DEPDC5: variants seen among roughly 807,000 people sequenced by gnomAD.
DEPDC5 encodes the protein GATOR1 complex protein DEPDC5.
A neutral mutation model predicts 217.3 loss-of-function variants in DEPDC5; 73 were observed. That is an observed-to-expected ratio of 0.34 (90% CI 0.28 to 0.41). The LOEUF is 0.41. Among genes scored for constraint, DEPDC5 ranks in the 10% least tolerant of loss-of-function variants. The probability of loss-of-function intolerance (pLI) is 1.00; values close to 1 mark genes in which losing one functional copy is unlikely to be tolerated. For missense variants in DEPDC5, 1,675 were observed against 2,070.1 expected (o/e 0.81, Z 3.70); for synonymous variants, 733 against 756.7 (o/e 0.97, Z 0.51).
intron 41 of DEPDC5, among the ~76,000 whole-genome samples, chr22:31,902,128 G>T (rs1334325781): frequency 6.6e-6 from 1 of 152,068 alleles, no homozygotes; most frequent in Non-Finnish European, 1.5e-5. Context: ...ATTAAAAAAT[G>T]TGTCAAGAGC....
Position 31,815,010 on chromosome 22 carries a change from G to C in DEPDC5, c.1464G>C (p.Glu488Asp). The C allele has an allele frequency of 6.2e-7, 1 of 1,614,114 alleles. No homozygotes were observed. Among genetic ancestry groups the C allele is most frequent in the Non-Finnish European group, 8.5e-7 (1 of 1,179,980 alleles). Reference sequence around the variant, plus strand: ...CTGGCAGATCTGTGCGAGAGCGAGAGAGTCACAGTCGAAAGAGTGCCAGCT... The same window carrying C: ...CTGGCAGATCTGTGCGAGAGCGAGACAGTCACAGTCGAAAGAGTGCCAGCT... Reference protein sequence around the residue: ...LTTCRSVRERESHSRKSASSC... With the variant: ...LTTCRSVRERDSHSRKSASSC... Residue 488 changes from glutamate (E) to aspartate (D), a missense_variant, in exon 21 of 43, where the codon GAG (glutamate) becomes GAC (aspartate). Around this residue, in one of 11 missense-constraint regions of DEPDC5, gnomAD observed 628 missense variants for 762.1 expected, o/e 0.82. Transcript: ENST00000651528.
chr22:31,816,157 A>G (rs917837885), intron 21 of DEPDC5, among the ~76,000 whole-genome samples: 3 of 151,382 alleles, frequency 2.0e-5, no homozygotes, highest in Non-Finnish European at 4.4e-5. Flanking sequence ...AAAATTAGCT[A>G]GGTGTGGTGG....
chr22:31,755,243 TC>T (rs1863396954), intron 2 of DEPDC5: 1 of 488,698 alleles, frequency 2.0e-6, no homozygotes, highest in South Asian at 2.7e-5. Flanking sequence ...TTACAAATCT[TC>T]CGTGTATGTT....
At chr22:31,844,297 G>A (rs2091581230) in intron 29 of DEPDC5, among the ~76,000 whole-genome samples, 1 of 152,134 alleles carries the variant, frequency 6.6e-6, no homozygotes. Flanking sequence ...TAGCTACTCA[G>A]GAGGCCGAAG....
chr22:31,877,749 C>CAA (rs136870), intron 37 of DEPDC5, among the ~76,000 whole-genome samples: 110 of 62,742 alleles, frequency 1.8e-3, no homozygotes, highest in Non-Finnish European at 2.1e-3. Context: ...GACTCCATCT[C>CAA]AAAAAAAAAA....
At chr22:31,834,027 GGGT>G (rs1569050310) in intron 25 of DEPDC5, 47 bp downstream of exon 25, 1 of 1,588,644 alleles carries the variant, frequency 6.3e-7, no homozygotes, top group Admixed American at 1.7e-5. Flanking sequence ...AGGGAGTGTG[GGGT>G]GGTCAGAGCA....
chr22:31,861,422 T>A lies in DEPDC5; in HGVS notation c.3319T>A (p.Phe1107Ile). The change falls in exon 33 of 43, where the codon TTC becomes ATC. Residue 1107 changes from phenylalanine (F) to isoleucine (I), a missense_variant. Transcript: ENST00000651528. ...CAGCCCACGCACAGCATCGTCCGCC[T>A]TCTACCCTCAGGTTAGTCCAACTCC... ...VRSPRTASSA[F>I]YPQVSVDQTA... 6.4e-7 allele frequency: 1 copy of A among 1,551,596 alleles called. No homozygotes were observed. The highest frequency in any genetic ancestry group is 8.7e-7 in the Non-Finnish European group (1 of 1,146,958).
intron 7 of DEPDC5, among the ~76,000 whole-genome samples, chr22:31,775,342 G>T (rs1601729535): frequency 6.6e-6 from 1 of 151,974 alleles, no homozygotes; most frequent in East Asian, 1.9e-4. Context: ...ACCACGCCTG[G>T]CTAATTTTTG....
chr22:31,867,412 A>G (rs2092718159), intron 33 of DEPDC5, among the ~76,000 whole-genome samples: 1 of 152,344 alleles, frequency 6.6e-6, no homozygotes, highest in South Asian at 2.1e-4. Context: ...CAAGACTCAT[A>G]GTGGTTATAA....
chr22:31,774,326 A>G (rs1456125834), intron 7 of DEPDC5, among the ~76,000 whole-genome samples: 2 of 151,494 alleles, frequency 1.3e-5, no homozygotes, highest in Admixed American at 6.6e-5. Flanking sequence ...CAGCCTCTCA[A>G]GTAGCTGGGA....
At chr22:31,858,222 G>A (rs937320783) in intron 32 of DEPDC5, 9 of 152,148 alleles carry the variant, frequency 5.9e-5, no homozygotes, top group African/African-American at 1.9e-4. Context: ...GCTCTTCTTT[G>A]ATAATGAAAT....
At chr22:31,813,412 C>T (rs532079303) in intron 20 of DEPDC5, among the ~76,000 whole-genome samples, 20 of 152,254 alleles carry the variant, frequency 1.3e-4, no homozygotes, top group African/African-American at 3.9e-4. Context: ...CATGGCTAAG[C>T]GTATACTGGT....
At chr22:31,795,574 A>G (rs2086149178) in intron 12 of DEPDC5, among the ~76,000 whole-genome samples, 1 of 150,866 alleles carries the variant, frequency 6.6e-6, no homozygotes, top group Non-Finnish European at 1.5e-5. Flanking sequence ...TTGTATTTTT[A>G]GTAGAGACAG....
intron 30 of DEPDC5, among the ~76,000 whole-genome samples, chr22:31,846,461 G>A (rs1006012645): frequency 1.6e-4 from 24 of 152,156 alleles, no homozygotes; most frequent in Admixed American, 8.5e-4. Context: ...TGGATAGTGG[G>A]AAGAACTTTG....
chr22:31,806,383 A>G (rs1483287230), intron 18 of DEPDC5, among the ~76,000 whole-genome samples, 192 bp downstream of exon 18: 1 of 152,246 alleles, frequency 6.6e-6, no homozygotes, highest in Non-Finnish European at 1.5e-5. Flanking sequence ...ACGCATTGAT[A>G]GGGTTATTTT....
At chr22:31,828,985 G>A (rs994083223) in intron 24 of DEPDC5, among the ~76,000 whole-genome samples, 1 of 152,196 alleles carries the variant, frequency 6.6e-6, no homozygotes, top group Non-Finnish European at 1.5e-5. Flanking sequence ...TGCTAGATGA[G>A]GGAGTGTGCT....
At chr22:31,804,098 T>C in intron 15 of DEPDC5, 64 bp from the exon 16 acceptor site, 1 of 1,517,848 alleles carries the variant, frequency 6.6e-7, no homozygotes, top group Non-Finnish European at 9.1e-7. Flanking sequence ...ACATGATTTA[T>C]AGATAGGGAC....
At position 31,792,047 on chromosome 22, in the gene DEPDC5, T is replaced by G. The variant is rs776343589; in HGVS notation, c.639T>G (p.Ser213Arg). The change falls in exon 11 of 43, where the codon AGT becomes AGG. Residue 213 changes from serine to arginine, a missense_variant. Physicochemically the swap from Ser to Arg is moderately radical, Grantham distance 110. Coordinates refer to ENST00000651528, the MANE Select transcript of DEPDC5 (RefSeq NM_001242896.3). ...LFTKWKEKNC[S>R]HEVTVVLFSR... Reference sequence around the variant, plus strand: ...CTCATGCTTAGGAGAAGAACTGTAGTCATGAAGTGACAGTGGTCCTGTTTT... The same window carrying G: ...CTCATGCTTAGGAGAAGAACTGTAGGCATGAAGTGACAGTGGTCCTGTTTT... 1 of 1,612,526 alleles carries G rather than the reference T, an allele frequency of 6.2e-7. No homozygotes were observed. The highest frequency in any genetic ancestry group is 1.1e-5 in the South Asian group (1 of 91,048).
chr22:31,887,029 G>T (rs2093332551), intron 38 of DEPDC5, among the ~76,000 whole-genome samples: 5 of 151,540 alleles, frequency 3.3e-5, no homozygotes, highest in Admixed American at 3.3e-4. Flanking sequence ...GTTGCGGTGA[G>T]CTGAGATCGT....
Sources: allele counts gnomAD v4.1 joint callset (sites outside exome capture counted in the v4.1 genomes callset), GRCh38; gene constraint gnomAD v4.1.1; regional missense constraint gnomAD v4.1.1; transcripts MANE v1.5; gene names NCBI Gene and HGNC (gene_info 2026-07-23, HGNC 2026-07-21).